DAZL: variants seen among roughly 807,000 people sequenced by gnomAD.
DAZL encodes deleted in azoospermia-like.
A neutral mutation model predicts 45.0 loss-of-function variants in DAZL; 4 were observed. That is an observed-to-expected ratio of 0.09 (90% CI 0.04 to 0.20). The LOEUF (loss-of-function observed/expected upper bound fraction) is 0.20. Among genes scored for constraint, DAZL ranks in the 10% least tolerant of loss-of-function variants. The probability of loss-of-function intolerance (pLI) is 1.00; values close to 1 mark genes in which losing one functional copy is unlikely to be tolerated. For missense variants in DAZL, 326 were observed against 351.3 expected (o/e 0.93, Z 0.58); for synonymous variants, 122 against 112.4 (o/e 1.09, Z -0.54).
intron 10 of DAZL, 128 bp downstream of exon 10, chr3:16,591,922 T>C (rs1694524013): frequency 1.8e-6 from 2 of 1,106,534 alleles, no homozygotes; most frequent in Non-Finnish European, 1.3e-6. Context: ...GTTTACTGTG[T>C]TATAGTCAAA....
chr3:16,604,808 G>A (rs1694750682), intron 1 of DAZL: 68 of 1,257,954 alleles, frequency 5.4e-5, no homozygotes, highest in Non-Finnish European at 6.8e-5. Context: ...GGGCGGAGGC[G>A]CGTGAGTGGG....
At position 16,588,423 on chromosome 3, in the gene DAZL, G is replaced by GT. The variant is rs1485264971; in HGVS notation, c.*236dup. 5.7e-6 allele frequency: 2 copies of GT among 351,394 alleles called. No individual in the cohort carries two copies. The highest frequency in any genetic ancestry group is 1.1e-5 in the Non-Finnish European group (2 of 186,312). The allele number at this position is 351,394 out of a possible 1,614,324, so 21.8% of individuals were successfully genotyped here. On this transcript the variant is annotated 3_prime_UTR_variant, in exon 11 of 11. Transcript: ENST00000399444. ...AAAAAATCCTTGCAGATAAATCTTA[G>GT]TTTCTTTCAGTCTCAATTATTTTTT...
At chr3:16,596,372 G>C (rs979107960) in intron 6 of DAZL, among the ~76,000 whole-genome samples, 6 of 152,004 alleles carry the variant, frequency 3.9e-5, no homozygotes, top group African/African-American at 1.4e-4. Flanking sequence ...ATATGAGGAG[G>C]CATCTGGAAA....
intron 1 of DAZL, 58 bp downstream of exon 1, chr3:16,605,145 T>A: frequency 6.2e-7 from 1 of 1,610,990 alleles, no homozygotes; most frequent in Non-Finnish European, 8.5e-7. Flanking sequence ...AGAGCCGAGT[T>A]TCACCCACGA....
At chr3:16,596,492 G>A (rs1057151882) in intron 6 of DAZL, among the ~76,000 whole-genome samples, 1 of 147,412 alleles carries the variant, frequency 6.8e-6, no homozygotes. Context: ...AGTTATATGG[G>A]GGGAAAAAGG....
At chr3:16,598,737 T>A in intron 1 of DAZL, 139 bp from the exon 2 acceptor site, 1 of 1,079,032 alleles carries the variant, frequency 9.3e-7, no homozygotes, top group Non-Finnish European at 1.2e-6. Context: ...GCTCAGGATT[T>A]AAACTTATCA....
At chr3:16,588,832 GA>G in intron 10 of DAZL, 119 bp from the exon 11 acceptor site, 1 of 777,598 alleles carries the variant, frequency 1.3e-6, no homozygotes, top group Non-Finnish European at 2.2e-6. Flanking sequence ...TAAATAATGA[GA>G]AAAAAGATTA....
intron 2 of DAZL, 48 bp downstream of exon 2, chr3:16,598,404 A>G (rs1283676071): frequency 1.3e-6 from 2 of 1,596,698 alleles, no homozygotes; most frequent in Admixed American, 1.7e-5. Context: ...CCCAAATCCC[A>G]TTATTCATAA....
intron 1 of DAZL, among the ~76,000 whole-genome samples, chr3:16,602,400 A>G (rs1432988879): frequency 2.6e-5 from 4 of 152,230 alleles, no homozygotes; most frequent in East Asian, 1.9e-4. Flanking sequence ...AAAGAAATAG[A>G]TAACTTGGGT....
At chr3:16,598,717 G>C (rs1007111026) in intron 1 of DAZL, 119 bp from the exon 2 acceptor site, 12 of 1,140,704 alleles carry the variant, frequency 1.1e-5, no homozygotes, top group Non-Finnish European at 1.4e-5. Flanking sequence ...TTCATTCTAA[G>C]TTAGTTCAGG....
chr3:16,592,624 G>T (rs1419302077), intron 9 of DAZL, among the ~76,000 whole-genome samples: 2 of 151,324 alleles, frequency 1.3e-5, no homozygotes, highest in South Asian at 2.1e-4. Context: ...TTCTTACCAC[G>T]TATCACTCAA....
chr3:16,602,453 C>T (rs987450941), intron 1 of DAZL, among the ~76,000 whole-genome samples: 2 of 152,048 alleles, frequency 1.3e-5, no homozygotes, highest in African/African-American at 4.8e-5. Flanking sequence ...CATCAGACAC[C>T]AGAAATAAAG....
intron 8 of DAZL, 51 bp from the exon 9 acceptor site, chr3:16,593,819 A>G: frequency 8.4e-7 from 1 of 1,191,646 alleles, no homozygotes; most frequent in Non-Finnish European, 1.2e-6. Flanking sequence ...AGATATATTT[A>G]AAAGCCACTT....
chr3:16,601,890 T>C (rs886281313), intron 1 of DAZL, among the ~76,000 whole-genome samples: 1 of 152,178 alleles, frequency 6.6e-6, no homozygotes, highest in African/African-American at 2.4e-5. Flanking sequence ...ATGTAACTCC[T>C]GGGATGTCAG....
chr3:16,597,774 TCATATC>T (rs1296905328), intron 3 of DAZL, among the ~76,000 whole-genome samples: 1 of 152,174 alleles, frequency 6.6e-6, no homozygotes, highest in Non-Finnish European at 1.5e-5. Context: ...AACAAAGAAT[TCATATC>T]CATGAACCTG....
chr3:16,593,557 T>C, intron 9 of DAZL, 98 bp downstream of exon 9: 2 of 816,152 alleles, frequency 2.5e-6, no homozygotes, highest in Non-Finnish European at 3.9e-6. Flanking sequence ...CCTTTTCAAT[T>C]ACAAATTTCT....
intron 1 of DAZL, among the ~76,000 whole-genome samples, chr3:16,600,582 T>C (rs1280258396): frequency 6.6e-6 from 1 of 152,216 alleles, no homozygotes; most frequent in Non-Finnish European, 1.5e-5. Context: ...AGGAACCTGA[T>C]TAGATTTCCC....
chr3:16,604,442 C>T (rs1296853569), intron 1 of DAZL: 7 of 1,531,698 alleles, frequency 4.6e-6, no homozygotes, highest in African/African-American at 4.1e-5. Flanking sequence ...AAACCAACCT[C>T]GTGCGGCAAA....
In DAZL at chr3:16,593,587, T is replaced by C. The variant is rs531722361; in HGVS notation, c.735+68A>G. Reference sequence around the variant, plus strand: ...ATTTCTGCTGAAGGATGATTGCTTCTCAAAAAACCATTATTAAAACTAGAA... The same window carrying C: ...ATTTCTGCTGAAGGATGATTGCTTCCCAAAAAACCATTATTAAAACTAGAA... On this transcript the variant is annotated intron_variant, in intron 9 of 10. Transcript: ENST00000399444. 8 of 1,042,044 alleles carry C rather than the reference T, an allele frequency of 7.7e-6. No individual in the cohort carries two copies. In the South Asian group the frequency reaches 1.1e-4, roughly 14 times the overall value. The allele number at this position is 1,042,044 out of a possible 1,614,324, so 64.5% of individuals were successfully genotyped here.
Sources: gnomAD v4.1 joint callset for allele counts (sites outside exome capture counted in the v4.1 genomes callset) on GRCh38, gnomAD v4.1.1 for gene constraint, MANE v1.5 for transcripts, NCBI Gene and HGNC (gene_info 2026-07-23, HGNC 2026-07-21) for gene names.